CACNA1E: variants seen among roughly 807,000 people sequenced by gnomAD.
CACNA1E encodes voltage-dependent R-type calcium channel subunit alpha-1E.
In CACNA1E, 40 loss-of-function variants were observed where a neutral mutation model predicts 259.2. The ratio of observed to expected loss-of-function variants is 0.15; its 90% confidence interval spans 0.12 to 0.20. CACNA1E has a LOEUF of 0.20. Among genes scored for constraint, CACNA1E ranks in the 10% least tolerant of loss-of-function variants. The pLI is 1.00. For synonymous variants in CACNA1E, 1,104 were observed against 1,138.5 expected (o/e 0.97, Z 0.61); for missense variants, 1,874 against 3,040.1 (o/e 0.62, Z 9.02).
At chr1:181,777,785 G>A (rs1374254777) in intron 38 of CACNA1E, among the ~76,000 whole-genome samples, 2 of 152,200 alleles carry the variant, frequency 1.3e-5, no homozygotes, top group Non-Finnish European at 2.9e-5. Flanking sequence ...ATGCTAATTG[G>A]AATGTCTAGA....
chr1:181,647,643 G>C (rs1658405159), intron 6 of CACNA1E, among the ~76,000 whole-genome samples: 1 of 152,180 alleles, frequency 6.6e-6, no homozygotes, highest in African/African-American at 2.4e-5. Context: ...GGACGCTTGA[G>C]TCATTGTCTC....
chr1:181,702,293 G>A (rs1367286788), intron 7 of CACNA1E, among the ~76,000 whole-genome samples: 1 of 151,958 alleles, frequency 6.6e-6, no homozygotes, highest in Admixed American at 6.6e-5. Flanking sequence ...AGTCCTCCTA[G>A]CTGTGTCTTC....
chr1:181,511,932 C>T (rs1018554237), intron 3 of CACNA1E, among the ~76,000 whole-genome samples: 5 of 152,088 alleles, frequency 3.3e-5, no homozygotes, highest in Admixed American at 1.3e-4. Context: ...TTCTTTTGGG[C>T]GTTGGAGAAG....
intron 16 of CACNA1E, 114 bp downstream of exon 16, chr1:181,721,989 A>G (rs76758259): frequency 2.0e-5 from 14 of 711,394 alleles, no homozygotes; most frequent in Non-Finnish European, 2.6e-5. Flanking sequence ...GGGCGTGGAC[A>G]TTGTTTGGTG....
At chr1:181,682,804 G>T (rs1650112988) in intron 7 of CACNA1E, among the ~76,000 whole-genome samples, 2 of 152,186 alleles carry the variant, frequency 1.3e-5, no homozygotes, top group South Asian at 4.1e-4. Flanking sequence ...GATCTCATGA[G>T]AACTTACTAT....
intron 25 of CACNA1E, among the ~76,000 whole-genome samples, chr1:181,740,656 A>G (rs547779250): frequency 6.6e-6 from 1 of 152,276 alleles, no homozygotes; most frequent in South Asian, 2.1e-4. Context: ...AGACCCTTCA[A>G]AAGAAAACCA....
intron 7 of CACNA1E, among the ~76,000 whole-genome samples, chr1:181,656,501 C>T (rs1339624089): frequency 6.6e-6 from 1 of 152,146 alleles, no homozygotes. Flanking sequence ...GTGTTTTAAG[C>T]TAAGCATTAT....
At chr1:181,360,387 A>G (rs1024995511) in intron 1 of CACNA1E, among the ~76,000 whole-genome samples, 2 of 152,260 alleles carry the variant, frequency 1.3e-5, no homozygotes, top group African/African-American at 4.8e-5. Flanking sequence ...AAAATGTGTC[A>G]TATCCATACA....
At chr1:181,783,921 C>T in intron 40 of CACNA1E, 137 bp downstream of exon 40, 1 of 578,702 alleles carries the variant, frequency 1.7e-6, no homozygotes, top group Non-Finnish European at 3.2e-6. Flanking sequence ...CATCAAGTAT[C>T]TGACTCAATA....
At chr1:181,527,657 C>A (rs899629817) in intron 3 of CACNA1E, among the ~76,000 whole-genome samples, 1 of 152,210 alleles carries the variant, frequency 6.6e-6, no homozygotes, top group South Asian at 2.1e-4. Context: ...TTTTTGAATT[C>A]TCATTCCAGT....
chr1:181,383,854 ACCTCCTACATCATCATCCAGG>A (rs1655640275), intron 1 of CACNA1E, among the ~76,000 whole-genome samples: 1 of 151,788 alleles, frequency 6.6e-6, no homozygotes, highest in Non-Finnish European at 1.5e-5. Flanking sequence ...GACCCACAAA[ACCTCCTACATCATCATCCAGG>A]CCTTTTCTCT....
chr1:181,803,569 C>G lies in CACNA1E; in HGVS notation c.*4735C>G, dbSNP rs1662428527. On this transcript the variant is annotated 3_prime_UTR_variant, in exon 48 of 48. Coordinates refer to ENST00000367573, the MANE Select transcript of CACNA1E (RefSeq NM_001205293.3). ...AATAGAGCAGCAGCTGATGGCTTCT[C>G]TGCTGTCTGTGGAGGGAGGGCTCGG... is the stretch of plus-strand genomic sequence containing the variant. 6.6e-6 allele frequency: 1 copy of G among 152,222 alleles called. No homozygotes were observed. The highest frequency in any genetic ancestry group is 6.5e-5 in the Admixed American group (1 of 15,284). The allele number at this position is 152,222 out of a possible 1,614,324, so 9.4% of individuals were successfully genotyped here.
chr1:181,338,412 CTGA>C (rs1372818915), intron 1 of CACNA1E, among the ~76,000 whole-genome samples: 1 of 151,978 alleles, frequency 6.6e-6, no homozygotes, highest in African/African-American at 2.4e-5. Context: ...GTGCATTTCC[CTGA>C]TGATTAGTGA....
At chr1:181,450,983 C>A (rs898724437) in intron 2 of CACNA1E, among the ~76,000 whole-genome samples, 1 of 152,164 alleles carries the variant, frequency 6.6e-6, no homozygotes, top group African/African-American at 2.4e-5. Flanking sequence ...AATAAGAATA[C>A]CCCTATTTCT....
intron 2 of CACNA1E, among the ~76,000 whole-genome samples, chr1:181,441,899 G>A (rs964803428): frequency 6.6e-6 from 1 of 152,200 alleles, no homozygotes. Context: ...AGCAGCCTGG[G>A]AGAGAGTGAG....
chr1:181,633,125 A>C (rs1656895876), intron 6 of CACNA1E, among the ~76,000 whole-genome samples: 1 of 152,072 alleles, frequency 6.6e-6, no homozygotes, highest in Non-Finnish European at 1.5e-5. Context: ...GCCAAAGTTC[A>C]ACAGAGGAAA....
chr1:181,593,653 C>T (rs143285917), intron 6 of CACNA1E, among the ~76,000 whole-genome samples: 94 of 152,314 alleles, frequency 6.2e-4, no homozygotes, highest in African/African-American at 2.1e-3. Flanking sequence ...ATTCTTCTGC[C>T]TCAGCCTTCT....
At chr1:181,394,417 A>T (rs968670100) in intron 1 of CACNA1E, among the ~76,000 whole-genome samples, 5 of 152,208 alleles carry the variant, frequency 3.3e-5, no homozygotes, top group African/African-American at 1.2e-4. Context: ...CAGATAATTT[A>T]CTCATTCACT....
At chr1:181,332,581 C>T (rs1651371417) in intron 1 of CACNA1E, among the ~76,000 whole-genome samples, 1 of 152,186 alleles carries the variant, frequency 6.6e-6, no homozygotes, top group South Asian at 2.1e-4. Context: ...ATCAGCCTGC[C>T]ATTGAATAAT....
Sources: gnomAD v4.1 joint callset for allele counts (sites outside exome capture counted in the v4.1 genomes callset) on GRCh38, gnomAD v4.1.1 for gene constraint, MANE v1.5 for transcripts, NCBI Gene and HGNC (gene_info 2026-07-23, HGNC 2026-07-21) for gene names.